The following DENND1B variants were observed in gnomAD, a reference collection of about 807,000 sequenced individuals.
DENND1B encodes DENN domain-containing protein 1B.
In DENND1B, 59 loss-of-function variants were observed where a neutral mutation model predicts 90.1. The observed-to-expected ratio is 0.65, with a 90% CI of 0.53 to 0.81. The LOEUF is 0.81. DENND1B is among the 40% of genes least tolerant of loss of function. The pLI is 0.00. For synonymous variants in DENND1B, 337 were observed against 324.6 expected (o/e 1.04, Z -0.41); for missense variants, 862 against 912.6 (o/e 0.94, Z 0.71).
chr1:197,695,623 T>C (rs1298571873), intron 3 of DENND1B, among the ~76,000 whole-genome samples: 1 of 150,966 alleles, frequency 6.6e-6, no homozygotes, highest in Non-Finnish European at 1.5e-5. Flanking sequence ...ATATCAAAAA[T>C]TGGTTCAAGA....
rs564497499 is a variant in DENND1B, at chr1:197,671,934, G to C, written c.296+103C>G. 16 of 1,194,674 alleles carry C rather than the reference G, an allele frequency of 1.3e-5. No individual in the cohort carries two copies. In the South Asian group the frequency reaches 3.5e-4, roughly 26 times the overall value. The allele number at this position is 1,194,674 out of a possible 1,614,324, so 74.0% of individuals were successfully genotyped here. A position where few individuals can be genotyped will look rare whatever the true frequency, so the allele number is the denominator to read the frequency against. ...AATCAGGAAAATTATTTTTCAACTTGTTTTTAAAGAAAACAAGTTTTTCTT... is the reference window on the plus strand; with the variant it reads ...AATCAGGAAAATTATTTTTCAACTTCTTTTTAAAGAAAACAAGTTTTTCTT... On this transcript the variant is annotated intron_variant, in intron 5 of 22. Transcript: ENST00000620048.
At chr1:197,589,944 C>T (rs1364590229) in intron 14 of DENND1B, among the ~76,000 whole-genome samples, 4 of 152,122 alleles carry the variant, frequency 2.6e-5, no homozygotes, top group African/African-American at 9.7e-5. Context: ...AATATTTTAA[C>T]TCAAACAAAC....
At chr1:197,658,955 ATTT>A (rs1354530738) in intron 5 of DENND1B, among the ~76,000 whole-genome samples, 2 of 150,888 alleles carry the variant, frequency 1.3e-5, no homozygotes, top group Non-Finnish European at 3.0e-5. Flanking sequence ...TAAAACTATA[ATTT>A]TTATGATAGC....
intron 12 of DENND1B, among the ~76,000 whole-genome samples, chr1:197,610,328 G>C (rs1236365809): frequency 6.7e-6 from 1 of 150,042 alleles, no homozygotes; most frequent in Admixed American, 6.7e-5. Flanking sequence ...AAACAGTATT[G>C]GTTTTATTTA....
chr1:197,696,867 T>TA (rs1410260699), intron 3 of DENND1B, among the ~76,000 whole-genome samples: 1 of 143,350 alleles, frequency 7.0e-6, no homozygotes, highest in Non-Finnish European at 1.5e-5. Flanking sequence ...GAAACATACA[T>TA]ACAGCCTAGG....
chr1:197,654,853 T>C (rs775094675), intron 6 of DENND1B, among the ~76,000 whole-genome samples: 5 of 152,202 alleles, frequency 3.3e-5, no homozygotes, highest in Non-Finnish European at 5.9e-5. Flanking sequence ...TTTTCAAATA[T>C]AGTCTGCATC....
Position 197,595,348 on chromosome 1 carries a change from G to A in DENND1B, c.922-15C>T. 1 of 1,609,132 alleles carries A rather than the reference G, an allele frequency of 6.2e-7. No homozygotes were observed. The highest frequency in any genetic ancestry group is 8.5e-7 in the Non-Finnish European group (1 of 1,177,716). On this transcript the variant is annotated splice_polypyrimidine_tract_variant and intron_variant, in intron 13 of 22. Coordinates refer to ENST00000620048, the MANE Select transcript of DENND1B (RefSeq NM_001195215.2). Reference sequence around the variant, plus strand: ...AAGGCCGAGACCTGCATGACAGAGAGGAACAGTTAAATTAACACCTCAGAA... The same window carrying A: ...AAGGCCGAGACCTGCATGACAGAGAAGAACAGTTAAATTAACACCTCAGAA...
chr1:197,720,296 G>A (rs1661041592), intron 2 of DENND1B, among the ~76,000 whole-genome samples: 1 of 151,994 alleles, frequency 6.6e-6, no homozygotes. Flanking sequence ...GAGTACAGTG[G>A]CATGAGCATG....
In DENND1B at chr1:197,717,307, T is replaced by A. The variant is rs145682832; in HGVS notation, c.83-2233A>T. ...TACTTTCCAGATACTCAATCTGATC[T>A]GGCAATGTTAGGTCAATTTTATGCT... is the stretch of plus-strand genomic sequence containing the variant. On this transcript the variant is annotated intron_variant, in intron 2 of 22. Coordinates refer to ENST00000620048, the MANE Select transcript of DENND1B (RefSeq NM_001195215.2). Among the ~76,000 whole-genome samples, 49 of 152,094 alleles carry A rather than the reference T, an allele frequency of 3.2e-4. No homozygotes were observed. In the East Asian group the frequency reaches 8.9e-3, roughly 28 times the overall value.
chr1:197,515,345 G>A (rs143587832), intron 20 of DENND1B, among the ~76,000 whole-genome samples: 9 of 151,694 alleles, frequency 5.9e-5, no homozygotes, highest in African/African-American at 2.2e-4. Flanking sequence ...GAGTTAAACA[G>A]AAATCTGCAG....
At chr1:197,715,292 A>C (rs560121472) in intron 2 of DENND1B, among the ~76,000 whole-genome samples, 1 of 152,014 alleles carries the variant, frequency 6.6e-6, no homozygotes, top group South Asian at 2.1e-4. Context: ...ATAGAAATAA[A>C]TGATATTAAT....
At chr1:197,698,603 CA>C (rs143463140) in intron 3 of DENND1B, among the ~76,000 whole-genome samples, 4,557 of 149,512 alleles carry the variant, frequency 0.03, 245 homozygotes, top group African/African-American at 0.11. Context: ...AAAAACTCAC[CA>C]AAAAAAAAAA....
intron 20 of DENND1B, among the ~76,000 whole-genome samples, chr1:197,524,814 C>T (rs1242260375): frequency 6.6e-6 from 1 of 152,098 alleles, no homozygotes; most frequent in Non-Finnish European, 1.5e-5. Flanking sequence ...GCATTAAATG[C>T]TTATTAATGC....
At chr1:197,632,016 T>G (rs1315763167) in intron 10 of DENND1B, among the ~76,000 whole-genome samples, 2 of 152,136 alleles carry the variant, frequency 1.3e-5, no homozygotes, top group East Asian at 3.9e-4. Flanking sequence ...CAAAAGACTC[T>G]TGCCTGGAAA....
At chr1:197,537,490 A>G (rs1252380466) in intron 20 of DENND1B, among the ~76,000 whole-genome samples, 1 of 152,146 alleles carries the variant, frequency 6.6e-6, no homozygotes, top group African/African-American at 2.4e-5. Flanking sequence ...CAGAATGTAC[A>G]GTGTGAGGAC....
At chr1:197,764,638 A>G (rs1247735738) in intron 2 of DENND1B, among the ~76,000 whole-genome samples, 2 of 152,198 alleles carry the variant, frequency 1.3e-5, no homozygotes, top group African/African-American at 4.8e-5. Flanking sequence ...ACCCTTAGTC[A>G]ACAGATCTTT....
At chr1:197,547,231 G>A (rs1670876051) in intron 16 of DENND1B, among the ~76,000 whole-genome samples, 1 of 151,702 alleles carries the variant, frequency 6.6e-6, no homozygotes, top group Non-Finnish European at 1.5e-5. Flanking sequence ...TTATGCCACT[G>A]CACTCCAGCC....
chr1:197,621,206 C>T (rs1029706032), intron 10 of DENND1B, among the ~76,000 whole-genome samples: 1 of 151,292 alleles, frequency 6.6e-6, no homozygotes, highest in African/African-American at 2.4e-5. Flanking sequence ...AAATATTATT[C>T]TCGATGACAT....
intron 3 of DENND1B, among the ~76,000 whole-genome samples, chr1:197,675,426 G>T (rs928546085): frequency 6.6e-6 from 1 of 151,576 alleles, no homozygotes; most frequent in Non-Finnish European, 1.5e-5. Flanking sequence ...TAAGCAGAAA[G>T]AAAAGGATCT....
Sources: allele counts gnomAD v4.1 joint callset (sites outside exome capture counted in the v4.1 genomes callset), GRCh38; gene constraint gnomAD v4.1.1; transcripts MANE v1.5; gene names NCBI Gene and HGNC (gene_info 2026-07-23, HGNC 2026-07-21).